The following ATF7 variants were observed in gnomAD, a reference collection of about 807,000 sequenced individuals.
The protein encoded by ATF7 is cyclic AMP-dependent transcription factor ATF-7.
Under a neutral mutation model 50.4 loss-of-function variants are expected in ATF7, and 10 were observed. That is an observed-to-expected ratio of 0.20 (90% CI 0.12 to 0.34). The LOEUF (loss-of-function observed/expected upper bound fraction) is 0.34, where lower values mean the gene tolerates loss of function less well. ATF7 is among the 10% of genes least tolerant of loss of function. The pLI, the probability that ATF7 is intolerant of heterozygous loss-of-function variation, is 1.00. For missense variants in ATF7, 465 were observed against 613.9 expected (o/e 0.76, Z 2.56); for synonymous variants, 201 against 226.4 (o/e 0.89, Z 1.01).
intron 3 of ATF7, among the ~76,000 whole-genome samples, chr12:53,551,930 G>A (rs1940382356): frequency 6.6e-6 from 1 of 152,192 alleles, no homozygotes; most frequent in Non-Finnish European, 1.5e-5. Context: ...GTTGCTAAGA[G>A]GGCTCCCTTG....
chr12:53,524,865 C>T lies in ATF7; in HGVS notation c.928-104G>A, dbSNP rs115673063. On this transcript the variant is annotated intron_variant, in intron 9 of 11. Coordinates refer to ENST00000420353, the MANE Select transcript of ATF7 (RefSeq NM_006856.3). The surrounding 1 kb of genome is among the most constrained non-coding windows in gnomAD (Gnocchi z 4.6). ...AGTAAGATCTGGTAAAAGGATATAC[C>T]AGCCTCTGGTAACCACAGCAAGTCT... 1.7e-3 allele frequency: 1,849 copies of T among 1,100,442 alleles called. 19 individuals are homozygous for T. In the African/African-American group the frequency reaches 0.025, roughly 15 times the overall value. The allele number at this position is 1,100,442 out of a possible 1,614,324, so 68.2% of individuals were successfully genotyped here.
chr12:53,533,114 G>A, intron 7 of ATF7, 46 bp downstream of exon 7: 1 of 1,492,166 alleles, frequency 6.7e-7, no homozygotes, highest in Non-Finnish European at 9.3e-7. Flanking sequence ...TGGAAGGGAA[G>A]GATTACCATG....
Position 53,579,409 on chromosome 12 carries a change from G to A in ATF7, c.48+21544C>T, listed in dbSNP as rs568294495. Among the ~76,000 whole-genome samples the A allele has an allele frequency of 4.8e-4, 73 of 151,370 alleles. 1 individual carries two copies. Among genetic ancestry groups the A allele is most frequent in the African/African-American group, 1.6e-3 (64 of 41,238 alleles). On this transcript the variant is annotated intron_variant, in intron 2 of 11. Transcript: ENST00000420353. ...TCTACTAAAAATACAAAAATTAGCC[G>A]GGCATGGTGGTATACACCTGTAATC...
At chr12:53,519,021 T>C (rs1448623262) in intron 11 of ATF7, among the ~76,000 whole-genome samples, 187 of 146,904 alleles carry the variant, frequency 1.3e-3, no homozygotes, top group African/African-American at 4.2e-3. Flanking sequence ...GCCACTGCAC[T>C]CCAGCCTGGG....
chr12:53,573,081 G>A (rs1225480079), intron 2 of ATF7, among the ~76,000 whole-genome samples: 6 of 144,542 alleles, frequency 4.2e-5, no homozygotes, highest in Non-Finnish European at 9.0e-5. Flanking sequence ...CACTGTACCC[G>A]GCCAAAAAAA....
intron 2 of ATF7, among the ~76,000 whole-genome samples, chr12:53,553,667 G>T (rs545966065): frequency 6.6e-6 from 1 of 152,230 alleles, no homozygotes; most frequent in African/African-American, 2.4e-5. Context: ...ATTAAAACAT[G>T]ACTGCAACAC....
chr12:53,545,525 G>A (rs1030657105), intron 3 of ATF7, among the ~76,000 whole-genome samples: 2 of 151,922 alleles, frequency 1.3e-5, no homozygotes, highest in African/African-American at 2.4e-5. Flanking sequence ...TAGTAGAGAC[G>A]GGGTTTCTCC....
At position 53,594,901 on chromosome 12, in the gene ATF7, G is replaced by GA. The variant is rs1362619887; in HGVS notation, c.48+6051dup. On this transcript the variant is annotated intron_variant, in intron 2 of 11. Coordinates refer to ENST00000420353, the MANE Select transcript of ATF7 (RefSeq NM_006856.3). ...AGACCCCATCTCAAAAAAAAAAAAAGAAAAAAAAAAATCCCAGTCCCAGTT... is the reference window on the plus strand; with the variant it reads ...AGACCCCATCTCAAAAAAAAAAAAAGAAAAAAAAAAAATCCCAGTCCCAGTT... 2.7e-3 allele frequency among the ~76,000 whole-genome samples: 382 copies of GA among 140,564 alleles called. 1 individual carries two copies. The highest frequency in any genetic ancestry group is 7.9e-3 in the African/African-American group (293 of 37,304). 92.2% of individuals were successfully genotyped at this position (140,564 alleles called of 152,430 possible). A position where few individuals can be genotyped will look rare whatever the true frequency, so the allele number is the denominator to read the frequency against.
rs199777559 is a variant in ATF7 at position 53,531,805 on chromosome 12, C to A, written c.866G>T (p.Arg289Leu). 5.6e-6 allele frequency: 9 copies of A among 1,612,616 alleles called. No individual in the cohort carries two copies. In the South Asian group the frequency reaches 9.9e-5, roughly 18 times the overall value. ...VGTASTMVTA[R>L]PEQSQILIQH... ...GATGAGAATCTGGCTCTGCTCTGGG[C>A]GGGCTGTCACCATGGTGCTGGCAGT... The change falls in exon 9 of 12, where the codon CGC (arginine) becomes CTC (leucine). Residue 289 changes from arginine (R) to leucine (L), a missense_variant. By Grantham distance (102) the Arg-to-Leu change is moderately radical (BLOSUM62 -2). Coordinates refer to ENST00000420353, the MANE Select transcript of ATF7 (RefSeq NM_006856.3).
intron 1 of ATF7, among the ~76,000 whole-genome samples, chr12:53,611,319 A>G (rs1217130688): frequency 1.3e-5 from 2 of 152,062 alleles, no homozygotes. Flanking sequence ...AAATACAAAA[A>G]TTAGCTGGGC....
At chr12:53,530,110 G>C (rs1489751325) in intron 9 of ATF7, among the ~76,000 whole-genome samples, 2 of 152,180 alleles carry the variant, frequency 1.3e-5, no homozygotes, top group Non-Finnish European at 1.5e-5. Flanking sequence ...TTCCCCAAGA[G>C]AGAAGGCAGC....
chr12:53,565,867 T>A (rs1941420302), intron 2 of ATF7, among the ~76,000 whole-genome samples: 1 of 152,176 alleles, frequency 6.6e-6, no homozygotes, highest in Non-Finnish European at 1.5e-5. Context: ...CTCTCGCTGC[T>A]AATAACGACA....
At chr12:53,553,965 T>G (rs1433244782) in intron 2 of ATF7, among the ~76,000 whole-genome samples, 4 of 152,158 alleles carry the variant, frequency 2.6e-5, no homozygotes, top group Non-Finnish European at 4.4e-5. Context: ...AATTTACAAC[T>G]AAAGCCAATT....
At chr12:53,581,873 G>A (rs767455619) in intron 2 of ATF7, among the ~76,000 whole-genome samples, 28 of 150,644 alleles carry the variant, frequency 1.9e-4, no homozygotes, top group African/African-American at 3.7e-4. Context: ...CTATAATCCC[G>A]GCACTTTGGG....
In ATF7 at chr12:53,517,103, G is replaced by A. The variant is rs1232300702; in HGVS notation, c.*34C>T. ...TCTCTCTTGGCTCTTGGGCGGGCGA[G>A]CTCTGGCTGAGGACCTCTCCACCAG... On this transcript the variant is annotated 3_prime_UTR_variant, in exon 12 of 12. Transcript: ENST00000420353. The A allele has an allele frequency of 1.9e-6, 3 of 1,600,206 alleles. No homozygotes were observed. The highest frequency in any genetic ancestry group is 2.7e-5 in the African/African-American group (2 of 74,836).
chr12:53,540,619 G>A (rs1198574442), intron 4 of ATF7, among the ~76,000 whole-genome samples: 1 of 151,770 alleles, frequency 6.6e-6, no homozygotes, highest in Non-Finnish European at 1.5e-5. Flanking sequence ...CCAGGTACTC[G>A]GGAGGCTGAG....
chr12:53,531,834 C>T lies in ATF7; in HGVS notation c.837G>A (p.Val279=), dbSNP rs765525649. 1 of 1,613,496 alleles carries T rather than the reference C, an allele frequency of 6.2e-7. No individual in the cohort carries two copies. The highest frequency in any genetic ancestry group is 8.5e-7 in the Non-Finnish European group (1 of 1,179,832). The change falls in exon 9 of 12, where the codon GTG becomes GTA. Residue 279 remains valine (V), a synonymous_variant. Coordinates refer to ENST00000420353, the MANE Select transcript of ATF7 (RefSeq NM_006856.3). ...CTGTCACCATGGTGCTGGCAGTACC[C>T]ACCACCATTCCACAACCACCATTGA... ...SSINGGCGMV[V]GTASTMVTAR... is the part of the protein sequence containing the mutation.
intron 3 of ATF7, among the ~76,000 whole-genome samples, chr12:53,548,974 GTC>G (rs1297605015): frequency 2.6e-5 from 4 of 151,976 alleles, no homozygotes; most frequent in Non-Finnish European, 5.9e-5. Context: ...AACAGAGCAA[GTC>G]TCTGTCTCCA....
chr12:53,576,887 C>T (rs1053846065), intron 2 of ATF7, among the ~76,000 whole-genome samples: 1 of 151,946 alleles, frequency 6.6e-6, no homozygotes, highest in African/African-American at 2.4e-5. Context: ...AAACCCCCGT[C>T]TCTACTAAAA....
Sources: allele counts gnomAD v4.1 joint callset (sites outside exome capture counted in the v4.1 genomes callset), GRCh38; gene constraint gnomAD v4.1.1; non-coding constraint Gnocchi (gnomAD v3.1); transcripts MANE v1.5; gene names NCBI Gene and HGNC (gene_info 2026-07-23, HGNC 2026-07-21).